The following GPR39 variants were observed in gnomAD, a reference collection of about 807,000 sequenced individuals.
GPR39 encodes G protein-coupled receptor 39.
In GPR39, 23 loss-of-function variants were observed where a neutral mutation model predicts 18.4. The ratio of observed to expected loss-of-function variants is 1.25; its 90% CI spans 0.90 to 1.77. The LOEUF (loss-of-function observed/expected upper bound fraction) is 1.77. Ranked by LOEUF, GPR39 falls within the 40% of genes most tolerant of loss-of-function variation. GPR39 has a pLI of 0.00. For missense variants in GPR39, 647 were observed against 602.4 expected (o/e 1.07, Z -0.78); for synonymous variants, 280 against 257.9 (o/e 1.09, Z -0.82).
chr2:132,420,095 C>T (rs1478680617), intron 1 of GPR39, among the ~76,000 whole-genome samples: 8 of 152,182 alleles, frequency 5.3e-5, no homozygotes, highest in East Asian at 1.9e-4. Context: ...CTGCTGCTCT[C>T]GTTCTTTTCT....
chr2:132,534,045 G>C (rs1679695126), intron 1 of GPR39, among the ~76,000 whole-genome samples: 1 of 151,978 alleles, frequency 6.6e-6, no homozygotes, highest in Admixed American at 6.5e-5. Flanking sequence ...TATCATCAGT[G>C]TGAACAGACA....
chr2:132,544,617 G>C (rs1389084378), intron 1 of GPR39, among the ~76,000 whole-genome samples: 1 of 152,218 alleles, frequency 6.6e-6, no homozygotes, highest in Non-Finnish European at 1.5e-5. Context: ...TTGCACACCA[G>C]CCCAGCTCCC....
chr2:132,464,896 C>T (rs1183570175), intron 1 of GPR39, among the ~76,000 whole-genome samples: 1 of 152,142 alleles, frequency 6.6e-6, no homozygotes, highest in African/African-American at 2.4e-5. Flanking sequence ...GGAGCCAATT[C>T]CCAGGGGGCA....
At chr2:132,432,037 C>A (rs965786137) in intron 1 of GPR39, among the ~76,000 whole-genome samples, 2 of 152,268 alleles carry the variant, frequency 1.3e-5, no homozygotes, top group Admixed American at 1.3e-4. Context: ...TGTGTTACCC[C>A]AGTCTCCAAG....
chr2:132,571,165 A>G (rs1680435858), intron 1 of GPR39, among the ~76,000 whole-genome samples: 1 of 152,214 alleles, frequency 6.6e-6, no homozygotes, highest in Admixed American at 6.5e-5. Context: ...TTAAGAAGCG[A>G]TTAAACAAAG....
At chr2:132,431,095 T>C (rs1680217899) in intron 1 of GPR39, among the ~76,000 whole-genome samples, 1 of 152,140 alleles carries the variant, frequency 6.6e-6, no homozygotes, top group African/African-American at 2.4e-5. Flanking sequence ...AGGGCATGTC[T>C]CCTGCCTTGT....
chr2:132,527,112 C>T (rs1679528101), intron 1 of GPR39, among the ~76,000 whole-genome samples: 1 of 152,116 alleles, frequency 6.6e-6, no homozygotes, highest in Admixed American at 6.5e-5. Context: ...GCTCCCCACC[C>T]ACCGTCAGGC....
chr2:132,472,989 C>T (rs1681061455), intron 1 of GPR39, among the ~76,000 whole-genome samples: 1 of 152,036 alleles, frequency 6.6e-6, no homozygotes, highest in African/African-American at 2.4e-5. Context: ...AACCCCCCTG[C>T]ACCACCAGAT....
rs185740182 is a variant in GPR39, at chr2:132,625,185, T to C, written c.857-19916T>C. On this transcript the variant is annotated intron_variant, in intron 1 of 1. Coordinates refer to ENST00000329321, the MANE Select transcript of GPR39 (RefSeq NM_001508.3). ...TTCTTAATTTGGCCATTCTGTTGAG[T>C]ACATGGCGACGTCTTGCTGTGGTGT... 1.8e-3 allele frequency among the ~76,000 whole-genome samples: 279 copies of C among 152,102 alleles called. 1 individual carries two copies. The highest frequency in any genetic ancestry group is 4.1e-3 in the Admixed American group (62 of 15,262).
At chr2:132,602,833 G>A (rs1203591098) in intron 1 of GPR39, among the ~76,000 whole-genome samples, 2 of 134,972 alleles carry the variant, frequency 1.5e-5, no homozygotes, top group Non-Finnish European at 3.2e-5. Context: ...AAACCACAGA[G>A]ATCAGAGACC....
chr2:132,446,638 A>AGTTT (rs1341180332), intron 1 of GPR39, among the ~76,000 whole-genome samples: 1 of 152,174 alleles, frequency 6.6e-6, no homozygotes, highest in African/African-American at 2.4e-5. Flanking sequence ...GGCAAGGCTA[A>AGTTT]GTTTACAGGG....
chr2:132,521,809 C>G (rs1007760804), intron 1 of GPR39, among the ~76,000 whole-genome samples: 1 of 151,972 alleles, frequency 6.6e-6, no homozygotes, highest in South Asian at 2.1e-4. Context: ...CTCTCCAATT[C>G]TTCATTTCCA....
chr2:132,557,372 G>A (rs1470546812), intron 1 of GPR39, among the ~76,000 whole-genome samples: 4 of 152,112 alleles, frequency 2.6e-5, no homozygotes, highest in Admixed American at 2.0e-4. Context: ...CCCTCACAGC[G>A]TCTACCATGG....
At chr2:132,481,697 A>G (rs1294740566) in intron 1 of GPR39, among the ~76,000 whole-genome samples, 1 of 152,216 alleles carries the variant, frequency 6.6e-6, no homozygotes, top group East Asian at 1.9e-4. Flanking sequence ...AGAACAGGTT[A>G]CATTTTGAGA....
In GPR39 at chr2:132,640,270, C is replaced by T. The variant is rs115626488; in HGVS notation, c.857-4831C>T. On this transcript the variant is annotated intron_variant, in intron 1 of 1. Transcript: ENST00000329321. ...GAAACCAAGCAGGCTGCCTCTAATG[C>T]TGTTGAAATGTCAGGCTTCAGTGCA... 6.1e-3 allele frequency among the ~76,000 whole-genome samples: 932 copies of T among 152,342 alleles called. 3 individuals are homozygous for T. Among genetic ancestry groups the T allele is most frequent in the Non-Finnish European group, 0.01 (699 of 68,026 alleles).
chr2:132,605,491 G>A (rs746358370), intron 1 of GPR39, among the ~76,000 whole-genome samples: 23 of 152,274 alleles, frequency 1.5e-4, no homozygotes, highest in South Asian at 1.0e-3. Flanking sequence ...TCTCCAGAAA[G>A]GTCCAGGGAA....
chr2:132,488,203 A>C (rs536615270), intron 1 of GPR39, among the ~76,000 whole-genome samples: 1 of 152,212 alleles, frequency 6.6e-6, no homozygotes, highest in Non-Finnish European at 1.5e-5. Context: ...GGAAAAATCA[A>C]GTTGTAAACT....
At chr2:132,563,834 T>G (rs537025032) in intron 1 of GPR39, among the ~76,000 whole-genome samples, 2 of 144,250 alleles carry the variant, frequency 1.4e-5, no homozygotes, top group Admixed American at 1.4e-4. Flanking sequence ...TGAGGATTGC[T>G]CCTCTAACTT....
intron 1 of GPR39, among the ~76,000 whole-genome samples, chr2:132,497,422 A>T (rs1681667875): frequency 6.6e-6 from 1 of 152,112 alleles, no homozygotes; most frequent in South Asian, 2.1e-4. Flanking sequence ...AGGAAAAGGT[A>T]TGGGTAACTG....
Sources: gnomAD v4.1 joint callset for allele counts (sites outside exome capture counted in the v4.1 genomes callset) on GRCh38, gnomAD v4.1.1 for gene constraint, MANE v1.5 for transcripts, NCBI Gene and HGNC (gene_info 2026-07-23, HGNC 2026-07-21) for gene names.